The following DNAJC5G variants were observed in gnomAD, a reference collection of about 807,000 sequenced individuals.
The protein encoded by DNAJC5G is DnaJ heat shock protein family (Hsp40) member C5 gamma, also known as dnaJ homolog subfamily C member 5G.
Under a neutral mutation model 19.1 loss-of-function variants are expected in DNAJC5G, and 13 were observed. That is an observed-to-expected ratio of 0.68 (90% CI 0.44 to 1.08). DNAJC5G has a LOEUF of 1.08. Among genes scored for constraint, DNAJC5G ranks in the 50% least tolerant of loss-of-function variants. The probability of loss-of-function intolerance (pLI) is 0.00; values close to 1 mark genes in which losing one functional copy is unlikely to be tolerated. For synonymous variants in DNAJC5G, 81 were observed against 84.4 expected, an observed-to-expected ratio of 0.96 and a Z score of 0.22; for missense variants, 245 against 230.4, an observed-to-expected ratio of 1.06 and a Z score of -0.41.
intron 4 of DNAJC5G, 49 bp downstream of exon 4, chr2:27,278,064 T>C (rs371768076): frequency 1.2e-6 from 2 of 1,608,370 alleles, no homozygotes; most frequent in Non-Finnish European, 1.7e-6. Flanking sequence ...AGGGTGACCT[T>C]CCTTTCCTTA....
chr2:27,277,930 A>C lies in DNAJC5G; in HGVS notation c.290A>C (p.His97Pro), dbSNP rs766351207. 6.2e-7 allele frequency: 1 copy of C among 1,614,216 alleles called. No homozygotes were observed. The highest frequency in any genetic ancestry group is 1.7e-5 in the Admixed American group (1 of 60,028). Residue 97 changes from histidine to proline, a missense_variant, in exon 4 of 7, where the codon CAT becomes CCT. Physicochemically the swap from His to Pro is moderately conservative, Grantham distance 77. Transcript: ENST00000296097. ...DSKKRKIYDQ[H>P]GSLGIYLYDH... ...AAGAAGCGGAAAATTTACGACCAGCATGGCTCATTGGGAATATATCTGTAT... is the reference window on the plus strand; with the variant it reads ...AAGAAGCGGAAAATTTACGACCAGCCTGGCTCATTGGGAATATATCTGTAT...
rs1678298818 is a variant in DNAJC5G at position 27,280,036 on chromosome 2, G to T, written c.521-130G>T. 15 of 796,822 alleles carry T rather than the reference G, an allele frequency of 1.9e-5. No homozygotes were observed. The South Asian group carries it at 2.4e-4, about 13-fold the overall frequency. 49.4% of individuals were successfully genotyped at this position (796,822 alleles called of 1,614,324 possible). ...CCCCCCAAATGAACTTTTATAAGCT[G>T]ATTGAACTTGACACCAGCGCCACCT... On this transcript the variant is annotated intron_variant, in intron 5 of 6. Coordinates refer to ENST00000296097, the MANE Select transcript of DNAJC5G (RefSeq NM_173650.3).
intron 4 of DNAJC5G, 65 bp downstream of exon 4, chr2:27,278,080 A>G (rs1409429206): frequency 1.1e-5 from 17 of 1,607,096 alleles, no homozygotes; most frequent in Middle Eastern, 1.7e-4. Context: ...CCTTATGACA[A>G]ATGCTTCTGT....
intron 5 of DNAJC5G, among the ~76,000 whole-genome samples, chr2:27,278,781 C>A (rs1003197619): frequency 2.0e-5 from 3 of 146,928 alleles, no homozygotes; most frequent in African/African-American, 7.6e-5. Flanking sequence ...CCGAGGCGGG[C>A]GGATCACGAG....
In DNAJC5G at chr2:27,276,674, G is replaced by A. The variant is rs1169153998; in HGVS notation, c.-3-52G>A. 13 of 1,560,118 alleles carry A rather than the reference G, an allele frequency of 8.3e-6. No individual in the cohort carries two copies. The East Asian group carries it at 1.1e-4, about 13-fold the overall frequency. ...TCCTGTCACTGGAAGTGCACTTCTC[G>A]GTACCCTTACTTGTAGAAGTTCTCA... On this transcript the variant is annotated intron_variant, in intron 2 of 6. Coordinates refer to ENST00000296097, the MANE Select transcript of DNAJC5G (RefSeq NM_173650.3).
chr2:27,280,148 T>G lies in DNAJC5G; in HGVS notation c.521-18T>G. On this transcript the variant is annotated intron_variant, in intron 5 of 6. Transcript: ENST00000296097. The stretch of plus-strand genomic sequence containing the variant: ...CTAAACGTTTGTATATGTAAACATA[T>G]ATATAATTCCATCATAGGAGCCAAA... The G allele has an allele frequency of 6.2e-7, 1 of 1,611,818 alleles. No homozygotes were observed. Among genetic ancestry groups the G allele is most frequent in the Non-Finnish European group, 8.5e-7 (1 of 1,178,204 alleles).
chr2:27,278,822 T>C (rs1273305742), intron 5 of DNAJC5G, among the ~76,000 whole-genome samples: 1 of 149,670 alleles, frequency 6.7e-6, no homozygotes, highest in Non-Finnish European at 1.5e-5. Flanking sequence ...CTGACCAACA[T>C]GGTGAAACCC....
intron 2 of DNAJC5G, 32 bp from the exon 3 acceptor site, chr2:27,276,694 T>A (rs540426372): frequency 1.5e-5 from 24 of 1,602,482 alleles, no homozygotes; most frequent in Middle Eastern, 1.8e-4. Context: ...CTTGTAGAAG[T>A]TCTCACAGAT....
Position 27,280,441 on chromosome 2 carries a change from T to C in DNAJC5G, c.*31T>C, listed in dbSNP as rs1403313915. 9.7e-6 allele frequency: 5 copies of C among 514,202 alleles called. No individual in the cohort carries two copies. In the Admixed American group the frequency reaches 1.6e-4, roughly 17 times the overall value. 31.9% of individuals were successfully genotyped at this position (514,202 alleles called of 1,614,324 possible). A position where few individuals can be genotyped will look rare whatever the true frequency, so the allele number is the denominator to read the frequency against. On this transcript the variant is annotated 3_prime_UTR_variant, in exon 7 of 7. Transcript: ENST00000296097. ...CTTCCGCCACTAGGTGCTGACCCAGTGAGGGTGCCTTCTGCTGCCCAGTCC... is the reference window on the plus strand; with the variant it reads ...CTTCCGCCACTAGGTGCTGACCCAGCGAGGGTGCCTTCTGCTGCCCAGTCC...
intron 4 of DNAJC5G, 85 bp from the exon 5 acceptor site, chr2:27,278,103 T>C: frequency 6.2e-7 from 1 of 1,608,164 alleles, no homozygotes; most frequent in South Asian, 1.1e-5. Context: ...TCTCATTTTC[T>C]GGGTGCCAGG....
At position 27,277,989 on chromosome 2, in the gene DNAJC5G, T is replaced by G; in HGVS notation, c.349T>G (p.Phe117Val). ...HFGEEGVRYYFILNSCWFKTL... is the reference protein window; with the variant it reads ...HFGEEGVRYYVILNSCWFKTL... ...TGGTGAAGAAGGCGTCAGATACTAT[T>G]TTATTCTGAATAGTTGTTGGTTCAA... The change falls in exon 4 of 7, where the codon TTT becomes GTT. Residue 117 changes from phenylalanine to valine, a missense_variant. Transcript: ENST00000296097. The G allele has an allele frequency of 6.2e-7, 1 of 1,614,172 alleles. No homozygotes were observed. Among genetic ancestry groups the G allele is most frequent in the Non-Finnish European group, 8.5e-7 (1 of 1,180,030 alleles).
rs1433185603 is a variant in DNAJC5G, at chr2:27,278,178, T to C, written c.376-10T>C. 2.4e-5 allele frequency: 38 copies of C among 1,614,210 alleles called. No individual in the cohort carries two copies. The highest frequency in any genetic ancestry group is 3.1e-5 in the Non-Finnish European group (37 of 1,180,042). On this transcript the variant is annotated splice_polypyrimidine_tract_variant and intron_variant, in intron 4 of 6. Coordinates refer to ENST00000296097, the MANE Select transcript of DNAJC5G (RefSeq NM_173650.3). Reference sequence around the variant, plus strand: ...CTGCTGGACTGAGGCCATTCTCGCCTACCTTTTAGACACTTGTCATCCTGT... The same window carrying C: ...CTGCTGGACTGAGGCCATTCTCGCCCACCTTTTAGACACTTGTCATCCTGT...
In DNAJC5G at chr2:27,277,771, C is replaced by G. The variant is rs771457236; in HGVS notation, c.131C>G (p.Pro44Arg). 6.2e-7 allele frequency: 1 copy of G among 1,614,002 alleles called. No individual in the cohort carries two copies. The highest frequency in any genetic ancestry group is 8.5e-7 in the Non-Finnish European group (1 of 1,179,904). Residue 44 changes from proline (P) to arginine (R), a missense_variant, in exon 4 of 7, where the codon CCC becomes CGC. Transcript: ENST00000296097. ...KKSYSHSALL[P>R]HPPFEYHLGR... ...TTCCCCAGCCATTCCGCATTGCTTC[C>G]CCACCCTCCTTTTGAGTATCACCTG...
chr2:27,276,603 T>TCCTTCTGTCATCGTTTACCTG (rs1291483100), intron 2 of DNAJC5G, 123 bp from the exon 3 acceptor site: 151 of 731,396 alleles, frequency 2.1e-4, no homozygotes, highest in Non-Finnish European at 3.0e-4. Context: ...CTTATCCTTG[T>TCCTTCTGTCATCGTTTACCTG]CCTTCTGTCA....
rs1678164342 is a variant in DNAJC5G at position 27,277,633 on chromosome 2, A to G, written c.114-121A>G. On this transcript the variant is annotated intron_variant, in intron 3 of 6. Coordinates refer to ENST00000296097, the MANE Select transcript of DNAJC5G (RefSeq NM_173650.3). ...ATGGCACCATCACCCTCTTCATTAT[A>G]GTATGGGAAGGAGTTTAGACCTTGG... 30 of 1,287,060 alleles carry G rather than the reference A, an allele frequency of 2.3e-5. No individual in the cohort carries two copies. The South Asian group carries it at 3.3e-4, about 14-fold the overall frequency. 79.7% of individuals were successfully genotyped at this position (1,287,060 alleles called of 1,614,324 possible). A position where few individuals can be genotyped will look rare whatever the true frequency, so the allele number is the denominator to read the frequency against.
chr2:27,278,343 C>G lies in DNAJC5G; in HGVS notation c.520+11C>G. ...AGCCTCCAAGGTCAGGTGAGAACTG[C>G]AAGCAGGGACTGTGAGGTAAGAAAT... is the stretch of plus-strand genomic sequence containing the variant. On this transcript the variant is annotated intron_variant, in intron 5 of 6. Coordinates refer to ENST00000296097, the MANE Select transcript of DNAJC5G (RefSeq NM_173650.3). 1 of 1,613,800 alleles carries G rather than the reference C, an allele frequency of 6.2e-7. No homozygotes were observed. The highest frequency in any genetic ancestry group is 1.7e-5 in the Admixed American group (1 of 59,986).
chr2:27,280,380 G>C (rs920658794), intron 6 of DNAJC5G, 49 bp from the exon 7 acceptor site: 5 of 702,764 alleles, frequency 7.1e-6, no homozygotes, highest in African/African-American at 5.3e-5. Flanking sequence ...TTAAGTTCTA[G>C]GTAATTATTC....
chr2:27,280,778 A>G lies in DNAJC5G; in HGVS notation c.*368A>G, dbSNP rs932359471. ...CTGTGTCTGCCTTGTTATTGGAACC[A>G]ATGCCAGCTGGTAGGATCCCTGAGC... On this transcript the variant is annotated 3_prime_UTR_variant, in exon 7 of 7. Transcript: ENST00000296097. The G allele has an allele frequency of 6.5e-6, 1 of 153,166 alleles. No individual in the cohort carries two copies. The highest frequency in any genetic ancestry group is 2.4e-5 in the African/African-American group (1 of 41,392). The allele number at this position is 153,166 out of a possible 1,614,324, so 9.5% of individuals were successfully genotyped here.
At position 27,280,040 on chromosome 2, in the gene DNAJC5G, G is replaced by T. The variant is rs964797329; in HGVS notation, c.521-126G>T. ...CCAAATGAACTTTTATAAGCTGATT[G>T]AACTTGACACCAGCGCCACCTGGTG... On this transcript the variant is annotated intron_variant, in intron 5 of 6. Transcript: ENST00000296097. 4 of 834,552 alleles carry T rather than the reference G, an allele frequency of 4.8e-6. No homozygotes were observed. The Admixed American group carries it at 8.4e-5, about 17-fold the overall frequency. 51.7% of individuals were successfully genotyped at this position (834,552 alleles called of 1,614,324 possible).
Sources: allele counts gnomAD v4.1 joint callset (sites outside exome capture counted in the v4.1 genomes callset), GRCh38; gene constraint gnomAD v4.1.1; transcripts MANE v1.5; gene names NCBI Gene and HGNC (gene_info 2026-07-23, HGNC 2026-07-21).